The following CNTNAP2 variants were observed in gnomAD, a reference collection of about 807,000 sequenced individuals.
CNTNAP2 encodes contactin associated protein 2.
Under a neutral mutation model 155.2 loss-of-function variants are expected in CNTNAP2, and 98 were observed. The ratio of observed to expected loss-of-function variants is 0.63; its 90% confidence interval spans 0.54 to 0.75. CNTNAP2 has a LOEUF of 0.75. CNTNAP2 is among the 30% of genes least tolerant of loss of function. CNTNAP2 has a pLI of 0.00. For missense variants in CNTNAP2, 1,727 were observed against 1,688.1 expected, an observed-to-expected ratio of 1.02 and a Z score of -0.40; for synonymous variants, 651 against 631.2, an observed-to-expected ratio of 1.03 and a Z score of -0.47.
intron 4 of CNTNAP2, among the ~76,000 whole-genome samples, chr7:147,098,307 A>G (rs1398881554): frequency 6.6e-6 from 1 of 152,184 alleles, no homozygotes; most frequent in Non-Finnish European, 1.5e-5. Context: ...CACCCTGCAC[A>G]TGAATTGTAA....
At chr7:147,405,210 G>A (rs907167012) in intron 10 of CNTNAP2, among the ~76,000 whole-genome samples, 3 of 152,174 alleles carry the variant, frequency 2.0e-5, no homozygotes, top group African/African-American at 7.2e-5. Flanking sequence ...ATCAACTACG[G>A]AGAGATTTAA....
intron 11 of CNTNAP2, among the ~76,000 whole-genome samples, chr7:147,494,655 A>G (rs1188971674): frequency 6.6e-6 from 1 of 152,114 alleles, no homozygotes; most frequent in Non-Finnish European, 1.5e-5. Flanking sequence ...CAAGGTTCAG[A>G]GTGAAGAGAA....
At chr7:146,287,404 A>G (rs1800353881) in intron 1 of CNTNAP2, among the ~76,000 whole-genome samples, 1 of 152,194 alleles carries the variant, frequency 6.6e-6, no homozygotes, top group South Asian at 2.1e-4. Context: ...GAGGCAGATA[A>G]GCCTTCTGAA....
intron 15 of CNTNAP2, among the ~76,000 whole-genome samples, chr7:148,021,080 T>G (rs1802272103): frequency 6.6e-6 from 1 of 152,194 alleles, no homozygotes; most frequent in Non-Finnish European, 1.5e-5. Flanking sequence ...TTCTGTAGAC[T>G]GTTGAGTGAA....
chr7:147,293,158 G>A (rs1401992132), intron 8 of CNTNAP2, among the ~76,000 whole-genome samples: 1 of 152,138 alleles, frequency 6.6e-6, no homozygotes, highest in Non-Finnish European at 1.5e-5. Context: ...TTCTATTCAA[G>A]TGATTTTTCC....
intron 11 of CNTNAP2, among the ~76,000 whole-genome samples, chr7:147,541,865 T>C (rs1306041055): frequency 2.0e-5 from 3 of 152,168 alleles, no homozygotes; most frequent in Non-Finnish European, 4.4e-5. Flanking sequence ...ATTAGCGATT[T>C]AGGTGAAATC....
intron 1 of CNTNAP2, among the ~76,000 whole-genome samples, chr7:146,587,721 A>G (rs1404037499): frequency 1.9e-4 from 29 of 151,806 alleles, no homozygotes; most frequent in Non-Finnish European, 2.9e-4. Flanking sequence ...CAGCCAGGCT[A>G]GAGTGCAATG....
chr7:148,414,108 CCCCCCT>C (rs1799923147), intron 23 of CNTNAP2, among the ~76,000 whole-genome samples: 1 of 145,726 alleles, frequency 6.9e-6, no homozygotes, highest in African/African-American at 2.6e-5. Context: ...GTCCCCCCCC[CCCCCCT>C]CACACAAGCT....
intron 10 of CNTNAP2, among the ~76,000 whole-genome samples, chr7:147,431,374 T>G (rs1412400662): frequency 1.3e-5 from 2 of 152,300 alleles, no homozygotes; most frequent in East Asian, 3.9e-4. Context: ...TGAGAAACTT[T>G]AAACTATAAA....
rs768256112 is a variant in CNTNAP2, at chr7:146,953,385, C to T, written c.403-90522C>T. On this transcript the variant is annotated intron_variant, in intron 3 of 23. Coordinates refer to ENST00000361727, the MANE Select transcript of CNTNAP2 (RefSeq NM_014141.6). ...TTTAAACTAGTTTTCTCATGTTTAA[C>T]GAGATGATAAAAAAAACTAACTCAG... is the stretch of plus-strand genomic sequence containing the variant. Among the ~76,000 whole-genome samples, 6 of 151,660 alleles carry T rather than the reference C, an allele frequency of 4.0e-5. No individual in the cohort carries two copies. In the East Asian group the frequency reaches 5.8e-4, roughly 15 times the overall value.
intron 13 of CNTNAP2, among the ~76,000 whole-genome samples, chr7:147,852,692 C>G (rs1209063380): frequency 6.6e-6 from 1 of 152,174 alleles, no homozygotes. Flanking sequence ...TCTGTCATCT[C>G]ACGGCTGACA....
chr7:147,678,309 A>G (rs1281134738), intron 13 of CNTNAP2, among the ~76,000 whole-genome samples: 1 of 151,896 alleles, frequency 6.6e-6, no homozygotes, highest in Non-Finnish European at 1.5e-5. Context: ...CATCTTCTCC[A>G]GAAATCTTTT....
chr7:146,555,454 G>A (rs1047003360), intron 1 of CNTNAP2, among the ~76,000 whole-genome samples: 3 of 150,658 alleles, frequency 2.0e-5, no homozygotes, highest in Non-Finnish European at 3.0e-5. Flanking sequence ...TCTATTTATC[G>A]ATTTATCCAT....
chr7:146,946,047 C>T (rs1260486588), intron 3 of CNTNAP2, among the ~76,000 whole-genome samples: 2 of 151,994 alleles, frequency 1.3e-5, no homozygotes, highest in Non-Finnish European at 1.5e-5. Context: ...TAAAAAGATA[C>T]TGAAAAGGAG....
rs536242509 is a variant in CNTNAP2, at chr7:146,334,942, C to G, written c.97+217969C>G. 2.0e-5 allele frequency among the ~76,000 whole-genome samples: 3 copies of G among 152,278 alleles called. No homozygotes were observed. In the South Asian group the frequency reaches 6.2e-4, roughly 32 times the overall value. ...GGCAAAATGTTATACAGTTTTCAAC[C>G]CTCATTGATCACATCCCAAACTCCC... On this transcript the variant is annotated intron_variant, in intron 1 of 23. Transcript: ENST00000361727.
chr7:147,088,396 A>G (rs530405611), intron 4 of CNTNAP2, among the ~76,000 whole-genome samples: 2 of 152,292 alleles, frequency 1.3e-5, no homozygotes, highest in East Asian at 3.9e-4. Context: ...CAAAAAATAG[A>G]TGTTTTAAAG....
chr7:146,889,299 G>A (rs1294568872), intron 3 of CNTNAP2, among the ~76,000 whole-genome samples: 1 of 152,076 alleles, frequency 6.6e-6, no homozygotes, highest in African/African-American at 2.4e-5. Context: ...TAAAATATGT[G>A]TAAATCTTCT....
chr7:146,637,611 C>T (rs1160502113), intron 1 of CNTNAP2, among the ~76,000 whole-genome samples: 1 of 152,142 alleles, frequency 6.6e-6, no homozygotes, highest in Non-Finnish European at 1.5e-5. Context: ...TTAGCAAATG[C>T]TCTTTGATTT....
At chr7:147,856,157 C>T (rs1799034317) in intron 13 of CNTNAP2, among the ~76,000 whole-genome samples, 1 of 151,890 alleles carries the variant, frequency 6.6e-6, no homozygotes, top group Non-Finnish European at 1.5e-5. Flanking sequence ...GCCGACCCTG[C>T]TGCCTCCTGG....
Sources: gnomAD v4.1 joint callset for allele counts (sites outside exome capture counted in the v4.1 genomes callset) on GRCh38, gnomAD v4.1.1 for gene constraint, MANE v1.5 for transcripts, NCBI Gene and HGNC (gene_info 2026-07-23, HGNC 2026-07-21) for gene names.